Variants in DPPA4 observed in about 807,000 individuals in gnomAD.
DPPA4 encodes the protein developmental pluripotency associated 4, also known as developmental pluripotency-associated protein 4.
In DPPA4, 22 loss-of-function variants were observed where a neutral mutation model predicts 33.7. The ratio of observed to expected loss-of-function variants is 0.65; its 90% CI spans 0.47 to 0.93. The LOEUF (loss-of-function observed/expected upper bound fraction) is 0.93, where lower values mean the gene tolerates loss of function less well. Ranked by LOEUF, DPPA4 falls within the 40% of genes least tolerant of loss-of-function variation. The pLI is 0.00. For missense variants in DPPA4, 340 were observed against 358.6 expected (o/e 0.95, Z 0.42); for synonymous variants, 156 against 132.3 (o/e 1.18, Z -1.23).
In DPPA4 at chr3:109,331,854, C is replaced by A; in HGVS notation, c.339+17G>T. The A allele has an allele frequency of 6.2e-7, 1 of 1,613,606 alleles. No individual in the cohort carries two copies. Among genetic ancestry groups the A allele is most frequent in the Non-Finnish European group, 8.5e-7 (1 of 1,179,568 alleles). On this transcript the variant is annotated intron_variant, in intron 3 of 6. Transcript: ENST00000335658. The stretch of plus-strand genomic sequence containing the variant: ...ACCCTTCCTCCCAGCAGCACCGTCC[C>A]CAGCCTGGGACCTCACCTGGCCTTT...
upstream of DPPA4, among the ~76,000 whole-genome samples, chr3:109,338,965 G>A (rs762850708): frequency 2.6e-5 from 4 of 151,854 alleles, no homozygotes; most frequent in Non-Finnish European, 5.9e-5. Flanking sequence ...GCTGAGGTGG[G>A]CAGGTCACTT....
chr3:109,330,300 C>CAAAAAAAAAAAAAAAAAAAAAAAAAAA (rs71129042), intron 5 of DPPA4: 3 of 296,818 alleles, frequency 1.0e-5, no homozygotes, highest in African/African-American at 7.1e-5. Flanking sequence ...GAAACTGTCT[C>CAAAAAAAAAAAAAAAAAAAAAAAAAAA]AAAAAAAAAA....
chr3:109,330,871 G>C, intron 4 of DPPA4, 59 bp from the exon 5 acceptor site: 3 of 1,391,078 alleles, frequency 2.2e-6, no homozygotes, highest in Non-Finnish European at 1.9e-6. Context: ...AACAAAAATG[G>C]CCTAAGGAGC....
At chr3:109,331,390 G>T (rs531225716) in intron 4 of DPPA4, among the ~76,000 whole-genome samples, 1 of 150,636 alleles carries the variant, frequency 6.6e-6, no homozygotes. Context: ...TTGGGAGGCC[G>T]AAGTGGGTGG....
At chr3:109,330,420 G>T (rs189707690) in intron 5 of DPPA4, 104 bp downstream of exon 5, 1 of 1,305,246 alleles carries the variant, frequency 7.7e-7, no homozygotes, top group Admixed American at 1.8e-5. Flanking sequence ...AGGAATCACC[G>T]GCCCTCAAAG....
rs545410340 is a variant in DPPA4 at position 109,331,450 on chromosome 3, A to G, written c.390+284T>C. On this transcript the variant is annotated intron_variant, in intron 4 of 6. Transcript: ENST00000335658. ...TCCGAGCTACTCTGGAGGCTGAGGC[A>G]GGAGAATTGCTTGAACCCGGGAAGT... Among the ~76,000 whole-genome samples, 8 of 147,138 alleles carry G rather than the reference A, an allele frequency of 5.4e-5. No homozygotes were observed. In the South Asian group the frequency reaches 1.8e-3, roughly 33 times the overall value.
chr3:109,329,163 C>A, intron 5 of DPPA4, 75 bp from the exon 6 acceptor site: 2 of 1,321,496 alleles, frequency 1.5e-6, no homozygotes, highest in Non-Finnish European at 2.1e-6. Context: ...CATTATGGCC[C>A]ATCACCCTTG....
Position 109,337,501 on chromosome 3 carries a change from G to T in DPPA4, c.17C>A (p.Ala6Asp). 1 of 1,614,128 alleles carries T rather than the reference G, an allele frequency of 6.2e-7. No homozygotes were observed. Among genetic ancestry groups the T allele is most frequent in the Non-Finnish European group, 8.5e-7 (1 of 1,180,030 alleles). MLRGS[A>D]SSTSMEKAKG... ...TGCCTTCTCCATACTTGTAGAAGAA[G>T]CGGAGCCTCGCAACATGCTTCCAAA... The change falls in exon 1 of 7, where the codon GCT becomes GAT. Residue 6 changes from alanine to aspartate, a missense_variant. By Grantham distance (126) the Ala-to-Asp change is moderately radical. Around this residue, in one of 3 missense-constraint regions of DPPA4, gnomAD observed 96 missense variants for 91.8 expected, o/e 1.05. Transcript: ENST00000335658.
intron 6 of DPPA4, 130 bp downstream of exon 6, chr3:109,328,760 T>G (rs1361634820): frequency 5.8e-6 from 5 of 855,122 alleles, no homozygotes; most frequent in East Asian, 5.4e-5. Context: ...AGTAATAATT[T>G]TCTTGAAACT....
Position 109,332,126 on chromosome 3 carries a change from A to G in DPPA4, c.179-95T>C, listed in dbSNP as rs561707863. The stretch of plus-strand genomic sequence containing the variant: ...TCACTTTTTTTTTCTTTTTTGAGAC[A>G]GAATCTTGCTCTGTCGCCCGGCTGG... On this transcript the variant is annotated intron_variant, in intron 2 of 6. Coordinates refer to ENST00000335658, the MANE Select transcript of DPPA4 (RefSeq NM_018189.4). 40 of 1,232,690 alleles carry G rather than the reference A, an allele frequency of 3.2e-5. No homozygotes were observed. The African/African-American group carries it at 5.4e-4, about 17-fold the overall frequency. 76.4% of individuals were successfully genotyped at this position (1,232,690 alleles called of 1,614,324 possible).
At chr3:109,331,398 T>C (rs951330914) in intron 4 of DPPA4, among the ~76,000 whole-genome samples, 11 of 149,840 alleles carry the variant, frequency 7.3e-5, no homozygotes, top group African/African-American at 2.0e-4. Context: ...CCGAAGTGGG[T>C]GGATCACCTG....
chr3:109,329,362 C>T (rs1024566105), intron 5 of DPPA4: 5 of 294,368 alleles, frequency 1.7e-5, no homozygotes, highest in African/African-American at 1.2e-4. Context: ...AGTGAAACCC[C>T]GTTTCTACTA....
At chr3:109,330,395 C>CTA in intron 5 of DPPA4, 129 bp downstream of exon 5, 1 of 975,564 alleles carries the variant, frequency 1.0e-6, no homozygotes, top group South Asian at 1.3e-5. Flanking sequence ...ACCAGAAACT[C>CTA]TGTGGGCAGG....
Position 109,330,823 on chromosome 3 carries a change from G to T in DPPA4, c.391-11C>A. On this transcript the variant is annotated splice_polypyrimidine_tract_variant and intron_variant, in intron 4 of 6. Transcript: ENST00000335658. ...TGTGCTAGGAAAATCCTACAAAAAG[G>T]GTTAAATAATAAAGATAAAAATACA... 1 of 1,580,190 alleles carries T rather than the reference G, an allele frequency of 6.3e-7. No individual in the cohort carries two copies. Among genetic ancestry groups the T allele is most frequent in the Non-Finnish European group, 8.6e-7 (1 of 1,167,554 alleles).
In DPPA4 at chr3:109,332,040, G is replaced by C. The variant is rs1015119368; in HGVS notation, c.179-9C>G. 5.1e-6 allele frequency: 8 copies of C among 1,583,970 alleles called. No individual in the cohort carries two copies. Among genetic ancestry groups the C allele is most frequent in the Non-Finnish European group, 6.9e-6 (8 of 1,163,688 alleles). ...TTTCTTAGGGCAGAGCACTGAAGCA[G>C]AATGGAATCAAATGAGTAGTAATTA... On this transcript the variant is annotated splice_polypyrimidine_tract_variant and intron_variant, in intron 2 of 6. Transcript: ENST00000335658.
intron 1 of DPPA4, 126 bp downstream of exon 1, chr3:109,337,338 A>T: frequency 1.3e-6 from 1 of 798,400 alleles, no homozygotes; most frequent in Non-Finnish European, 2.1e-6. Context: ...AAATAAAAAA[A>T]AAAAAAGTCA....
chr3:109,330,700 A>T lies in DPPA4; in HGVS notation c.503T>A (p.Val168Glu). 1 of 1,614,186 alleles carries T rather than the reference A, an allele frequency of 6.2e-7. No individual in the cohort carries two copies. Among genetic ancestry groups the T allele is most frequent in the Non-Finnish European group, 8.5e-7 (1 of 1,180,014 alleles). Residue 168 changes from valine to glutamate, a missense_variant, in exon 5 of 7, where the codon GTG becomes GAG. By Grantham distance (121) the Val-to-Glu change is moderately radical. This residue lies in a region of DPPA4 where 212 missense variants were observed against 206.5 expected (regional missense o/e 1.03). Coordinates refer to ENST00000335658, the MANE Select transcript of DPPA4 (RefSeq NM_018189.4). Reference protein sequence around the residue: ...LQSSETHPPEVALPPVGEPPA... With the variant: ...LQSSETHPPEEALPPVGEPPA... ...CGGCTCCCCCACAGGAGGAAGAGCC[A>T]CTTCAGGAGGATGTGTCTCAGAACT...
At chr3:109,336,178 C>A (rs1275687124) in intron 1 of DPPA4, 2 of 151,946 alleles carry the variant, frequency 1.3e-5, no homozygotes, top group African/African-American at 4.8e-5. Flanking sequence ...AATAAAATTT[C>A]TCCTAAATCT....
chr3:109,329,275 C>T lies in DPPA4; in HGVS notation c.680-187G>A, dbSNP rs555880213. On this transcript the variant is annotated intron_variant, in intron 5 of 6. Transcript: ENST00000335658. ...TACAAGCTGGGCGCAGTGGCTCACGCTTGTAATCCCAGCACTTTGGGAGGC... is the reference window on the plus strand; with the variant it reads ...TACAAGCTGGGCGCAGTGGCTCACGTTTGTAATCCCAGCACTTTGGGAGGC... 8 of 595,960 alleles carry T rather than the reference C, an allele frequency of 1.3e-5. No individual in the cohort carries two copies. In the South Asian group the frequency reaches 1.5e-4, roughly 11 times the overall value. 36.9% of individuals were successfully genotyped at this position (595,960 alleles called of 1,614,324 possible). A position where few individuals can be genotyped will look rare whatever the true frequency, so the allele number is the denominator to read the frequency against.
Sources: gnomAD v4.1 joint callset for allele counts (sites outside exome capture counted in the v4.1 genomes callset) on GRCh38, gnomAD v4.1.1 for gene constraint, gnomAD v4.1.1 regional missense constraint, MANE v1.5 for transcripts, NCBI Gene and HGNC (gene_info 2026-07-23, HGNC 2026-07-21) for gene names.